Variants in DPP6 observed in about 807,000 individuals in gnomAD.
DPP6 encodes A-type potassium channel modulatory protein DPP6.
In DPP6, 69 loss-of-function variants were observed where a neutral mutation model predicts 122.6. The ratio of observed to expected loss-of-function variants is 0.56; its 90% CI spans 0.46 to 0.69. DPP6 has a LOEUF of 0.69. DPP6 is among the 30% of genes least tolerant of loss of function. DPP6 has a pLI of 0.00. For missense variants in DPP6, 928 were observed against 1,116.9 expected, an observed-to-expected ratio of 0.83 and a Z score of 2.41; for synonymous variants, 418 against 433.1, an observed-to-expected ratio of 0.97 and a Z score of 0.43.
intron 23 of DPP6, among the ~76,000 whole-genome samples, chr7:154,888,338 C>A (rs2150699963): frequency 6.6e-6 from 1 of 152,274 alleles, no homozygotes; most frequent in Non-Finnish European, 1.5e-5. Context: ...ATCCACCTGC[C>A]TCAGCCTCCC....
intron 6 of DPP6, among the ~76,000 whole-genome samples, chr7:154,664,996 C>T (rs939390429): frequency 6.6e-6 from 1 of 152,162 alleles, no homozygotes; most frequent in African/African-American, 2.4e-5. Context: ...AATTTTCTAC[C>T]TGTGTCCCAG....
the DPP6 span, among the ~76,000 whole-genome samples, chr7:153,845,565 G>A: frequency 5.3e-5 from 8 of 151,466 alleles, no homozygotes; most frequent in African/African-American, 1.9e-4. Flanking sequence ...AATCTTTTAA[G>A]TTTATATTTA....
At chr7:153,938,911 C>A (rs1055480196) in intron 1 of DPP6, among the ~76,000 whole-genome samples, 19 of 152,126 alleles carry the variant, frequency 1.2e-4, no homozygotes, top group Admixed American at 1.2e-3. Flanking sequence ...CTGATCAAAT[C>A]GTTTCATTAA....
intron 1 of DPP6, among the ~76,000 whole-genome samples, chr7:153,956,191 A>G (rs546109487): frequency 1.1e-4 from 16 of 152,238 alleles, no homozygotes; most frequent in Non-Finnish European, 1.6e-4. Flanking sequence ...AGCAACACTT[A>G]GATGTGGGCA....
intron 1 of DPP6, among the ~76,000 whole-genome samples, chr7:154,338,450 AC>A (rs1563505464): frequency 6.6e-6 from 1 of 152,232 alleles, no homozygotes; most frequent in South Asian, 2.1e-4. Flanking sequence ...AACTGGAGAT[AC>A]ACCGTGAAAT....
chr7:154,520,643 A>G (rs1260519084), intron 3 of DPP6, among the ~76,000 whole-genome samples: 2 of 152,242 alleles, frequency 1.3e-5, no homozygotes, highest in African/African-American at 2.4e-5. Flanking sequence ...TCAGGGATGC[A>G]TAGATAAGGT....
intron 17 of DPP6, among the ~76,000 whole-genome samples, chr7:154,861,560 G>C (rs1803397123): frequency 6.6e-6 from 1 of 152,078 alleles, no homozygotes; most frequent in Non-Finnish European, 1.5e-5. Flanking sequence ...ATATTTTAAA[G>C]GTCTTTTCTT....
intron 1 of DPP6, among the ~76,000 whole-genome samples, chr7:154,301,626 G>C (rs147314331): frequency 1.8e-3 from 267 of 152,096 alleles, no homozygotes; most frequent in African/African-American, 5.9e-3. Flanking sequence ...TGAAAGATAG[G>C]CCTTTCTGTA....
intron 1 of DPP6, among the ~76,000 whole-genome samples, chr7:153,952,108 A>G (rs889234045): frequency 3.3e-5 from 5 of 152,214 alleles, no homozygotes; most frequent in African/African-American, 1.2e-4. Context: ...CAATCCTGTC[A>G]CTGTGGGAAG....
intron 1 of DPP6, among the ~76,000 whole-genome samples, chr7:153,973,269 G>A (rs1796116794): frequency 6.6e-6 from 1 of 152,112 alleles, no homozygotes; most frequent in African/African-American, 2.4e-5. Flanking sequence ...GAAATAAACA[G>A]ACATTAGTCA....
At chr7:154,798,725 G>A (rs991486134) in intron 12 of DPP6, among the ~76,000 whole-genome samples, 6 of 152,218 alleles carry the variant, frequency 3.9e-5, no homozygotes, top group African/African-American at 1.4e-4. Flanking sequence ...CTGCACCTGT[G>A]AAGATTGCAG....
chr7:154,452,301 C>T (rs1820451905), intron 2 of DPP6, among the ~76,000 whole-genome samples: 1 of 152,168 alleles, frequency 6.6e-6, no homozygotes. Flanking sequence ...GTGGTGGAGG[C>T]CTGTTGAGTT....
At chr7:153,934,933 A>G (rs557206253) in intron 1 of DPP6, among the ~76,000 whole-genome samples, 1 of 152,274 alleles carries the variant, frequency 6.6e-6, no homozygotes, top group South Asian at 2.1e-4. Flanking sequence ...GCACGTTTGG[A>G]TGGAAATGAA....
intron 1 of DPP6, among the ~76,000 whole-genome samples, chr7:154,121,019 G>A (rs1807414260): frequency 6.6e-6 from 1 of 152,094 alleles, no homozygotes; most frequent in South Asian, 2.1e-4. Context: ...TGAGTTCTCA[G>A]GAGATCTGAT....
chr7:153,980,917 C>T (rs982278501), intron 1 of DPP6, among the ~76,000 whole-genome samples: 16 of 152,072 alleles, frequency 1.1e-4, no homozygotes, highest in African/African-American at 2.9e-4. Flanking sequence ...AGAGACTGTT[C>T]GCTTTAATTT....
At chr7:154,373,886 G>T (rs1427073181) in intron 1 of DPP6, among the ~76,000 whole-genome samples, 1 of 152,182 alleles carries the variant, frequency 6.6e-6, no homozygotes, top group African/African-American at 2.4e-5. Context: ...GATGGTATTT[G>T]TCCTTTGTGC....
Position 154,821,714 on chromosome 7 carries a change from A to G in DPP6, c.1666+14602A>G, listed in dbSNP as rs970533942. 6.6e-6 allele frequency among the ~76,000 whole-genome samples: 1 copy of G among 150,436 alleles called. No homozygotes were observed. Reference sequence around the variant, plus strand: ...TATATATACACACACACATATATATATACAGAAAAAACATGGTGTTTTGTT... The same window carrying G: ...TATATATACACACACACATATATATGTACAGAAAAAACATGGTGTTTTGTT... On this transcript the variant is annotated intron_variant, in intron 16 of 25. Transcript: ENST00000377770. This position sits in a 1 kb window ranked among gnomAD's most constrained non-coding sequence, Gnocchi z 4.2.
At chr7:154,290,116 A>C (rs866353173) in intron 1 of DPP6, among the ~76,000 whole-genome samples, 2 of 152,204 alleles carry the variant, frequency 1.3e-5, no homozygotes, top group Admixed American at 1.3e-4. Context: ...AAAGGTAAAA[A>C]CAAGGGACAA....
chr7:154,244,382 A>G (rs1429055889), intron 1 of DPP6, among the ~76,000 whole-genome samples: 2 of 152,188 alleles, frequency 1.3e-5, no homozygotes, highest in African/African-American at 2.4e-5. Context: ...ATACTGCAAG[A>G]CATATTCAAA....
Sources: gnomAD v4.1 joint callset for allele counts (sites outside exome capture counted in the v4.1 genomes callset) on GRCh38, gnomAD v4.1.1 for gene constraint, Gnocchi (gnomAD v3.1) non-coding constraint, MANE v1.5 for transcripts, NCBI Gene and HGNC (gene_info 2026-07-23, HGNC 2026-07-21) for gene names.